The following SLIT3 variants were observed in gnomAD, a reference collection of about 807,000 sequenced individuals.
The protein encoded by SLIT3 is slit homolog 3 protein.
In SLIT3, 68 loss-of-function variants were observed where a neutral mutation model predicts 184.0. The ratio of observed to expected loss-of-function variants is 0.37; its 90% CI spans 0.30 to 0.45. The LOEUF is 0.45. SLIT3 is among the 20% of genes least tolerant of loss of function. SLIT3 has a pLI of 1.00. For missense variants in SLIT3, 1,707 were observed against 2,026.0 expected (o/e 0.84, Z 3.02); for synonymous variants, 831 against 828.6 (o/e 1.00, Z -0.05).
intron 5 of SLIT3, among the ~76,000 whole-genome samples, chr5:168,846,438 C>T (rs924882165): frequency 3.9e-5 from 6 of 152,062 alleles, no homozygotes; most frequent in Admixed American, 1.3e-4. Flanking sequence ...TTGGGGCCGC[C>T]GACTCCCTGC....
At chr5:169,193,155 C>CCA (rs1388320969) in intron 4 of SLIT3, among the ~76,000 whole-genome samples, 4 of 152,260 alleles carry the variant, frequency 2.6e-5, no homozygotes, top group Admixed American at 1.3e-4. Flanking sequence ...ATCTCAAACC[C>CCA]CACCTCAGGG....
intron 26 of SLIT3, among the ~76,000 whole-genome samples, chr5:168,704,746 G>A (rs1247012532): frequency 6.6e-6 from 1 of 152,142 alleles, no homozygotes; most frequent in Admixed American, 6.5e-5. Context: ...TAATATTGTG[G>A]CTTCCCAAGG....
intron 6 of SLIT3, among the ~76,000 whole-genome samples, chr5:168,842,092 T>C (rs1174862074): frequency 6.6e-6 from 1 of 152,078 alleles, no homozygotes; most frequent in African/African-American, 2.4e-5. Flanking sequence ...AAAATGTCAA[T>C]GTGTGGATGA....
intron 4 of SLIT3, among the ~76,000 whole-genome samples, chr5:168,979,440 A>G (rs1754877053): frequency 1.3e-5 from 2 of 152,202 alleles, no homozygotes; most frequent in South Asian, 4.1e-4. Context: ...AGAGAGGCAG[A>G]GGATACCAAA....
At chr5:168,858,680 A>G (rs1179497808) in intron 5 of SLIT3, among the ~76,000 whole-genome samples, 1 of 152,256 alleles carries the variant, frequency 6.6e-6, no homozygotes, top group Non-Finnish European at 1.5e-5. Flanking sequence ...CCTGATGGAT[A>G]CAAATGGATG....
chr5:169,122,298 G>A (rs977631507), intron 4 of SLIT3, among the ~76,000 whole-genome samples: 1 of 152,136 alleles, frequency 6.6e-6, no homozygotes, highest in African/African-American at 2.4e-5. Flanking sequence ...TAACTATTTG[G>A]TTGCTCATAA....
At chr5:168,938,865 A>T (rs1762246140) in intron 4 of SLIT3, among the ~76,000 whole-genome samples, 1 of 152,112 alleles carries the variant, frequency 6.6e-6, no homozygotes, top group Non-Finnish European at 1.5e-5. Context: ...TCCTGATCTC[A>T]TGATCTGCCC....
At chr5:168,838,137 G>A (rs1465510733) in intron 6 of SLIT3, among the ~76,000 whole-genome samples, 1 of 152,210 alleles carries the variant, frequency 6.6e-6, no homozygotes, top group Non-Finnish European at 1.5e-5. Flanking sequence ...CTATGTATGT[G>A]TGTTCCGGTA....
chr5:169,276,698 T>C (rs754918444), intron 1 of SLIT3, among the ~76,000 whole-genome samples: 1 of 152,214 alleles, frequency 6.6e-6, no homozygotes, highest in Non-Finnish European at 1.5e-5. Flanking sequence ...CTCAACAGCC[T>C]CAGTGCCATT....
chr5:168,664,599 C>CCCA lies in SLIT3; in HGVS notation c.*1852_*1854dup, dbSNP rs1287324686. On this transcript the variant is annotated 3_prime_UTR_variant, in exon 36 of 36. Transcript: ENST00000519560. The stretch of plus-strand genomic sequence containing the variant: ...CCTTCATTATTCCCTGCGTCTTTGG[C>CCCA]CCACCATTGGTACTCACAGATCAAC... 3 of 152,150 alleles carry CCCA rather than the reference C, an allele frequency of 2.0e-5. No individual in the cohort carries two copies. The highest frequency in any genetic ancestry group is 4.4e-5 in the Non-Finnish European group (3 of 68,060). 9.4% of individuals were successfully genotyped at this position (152,150 alleles called of 1,614,324 possible). A position where few individuals can be genotyped will look rare whatever the true frequency, so the allele number is the denominator to read the frequency against.
At chr5:169,023,615 T>TTC (rs397978033) in intron 4 of SLIT3, 2 of 152,108 alleles carry the variant, frequency 1.3e-5, no homozygotes, top group East Asian at 3.9e-4. Flanking sequence ...CTTTTTTTTT[T>TTC]CCCACCACAG....
chr5:168,981,744 C>G (rs1343385597), intron 4 of SLIT3, among the ~76,000 whole-genome samples: 1 of 152,212 alleles, frequency 6.6e-6, no homozygotes, highest in African/African-American at 2.4e-5. Flanking sequence ...TCATATTCCT[C>G]TGATAAATGG....
At chr5:169,134,241 GC>G (rs749833624) in intron 4 of SLIT3, among the ~76,000 whole-genome samples, 69 of 152,194 alleles carry the variant, frequency 4.5e-4, no homozygotes, top group Non-Finnish European at 6.2e-4. Context: ...CTTCTCAATG[GC>G]TACTCACTGA....
chr5:169,140,778 T>C (rs1761705561), intron 4 of SLIT3, among the ~76,000 whole-genome samples: 1 of 152,112 alleles, frequency 6.6e-6, no homozygotes, highest in Non-Finnish European at 1.5e-5. Context: ...CCAATGTGGG[T>C]CACAGAGTGA....
intron 26 of SLIT3, among the ~76,000 whole-genome samples, chr5:168,701,133 G>A (rs1762201015): frequency 6.6e-6 from 1 of 152,162 alleles, no homozygotes; most frequent in South Asian, 2.1e-4. Flanking sequence ...TTTCATGTAA[G>A]GAAAAGTTTC....
rs192005839 is a variant in SLIT3, at chr5:169,258,362, A to G, written c.198-6903T>C. On this transcript the variant is annotated intron_variant, in intron 1 of 35. Transcript: ENST00000519560. ...CCACTCCCGTGCCTTGGAGAAAAAC[A>G]AAGACATACCCTTAGTAACTTTGCT... Among the ~76,000 whole-genome samples the G allele has an allele frequency of 3.3e-5, 5 of 152,344 alleles. No individual in the cohort carries two copies. The East Asian group carries it at 5.8e-4, about 18-fold the overall frequency.
At chr5:169,198,033 C>G (rs1007177632) in intron 3 of SLIT3, among the ~76,000 whole-genome samples, 4 of 152,186 alleles carry the variant, frequency 2.6e-5, no homozygotes, top group Non-Finnish European at 5.9e-5. Context: ...ATCTGTACAT[C>G]CAACCACCAT....
chr5:169,212,032 T>C (rs1185368184), intron 3 of SLIT3, among the ~76,000 whole-genome samples: 1 of 152,238 alleles, frequency 6.6e-6, no homozygotes, highest in Non-Finnish European at 1.5e-5. Context: ...TGATGGATAT[T>C]TGGGTTGGGG....
chr5:168,937,701 C>T (rs747367859), intron 4 of SLIT3, among the ~76,000 whole-genome samples: 4 of 152,034 alleles, frequency 2.6e-5, no homozygotes, highest in African/African-American at 9.7e-5. Flanking sequence ...GTCACTGATT[C>T]GCTGCATGAC....
Sources: gnomAD v4.1 joint callset for allele counts (sites outside exome capture counted in the v4.1 genomes callset) on GRCh38, gnomAD v4.1.1 for gene constraint, MANE v1.5 for transcripts, NCBI Gene and HGNC (gene_info 2026-07-23, HGNC 2026-07-21) for gene names.